Variants in FBRSL1 observed in about 807,000 individuals in gnomAD.
FBRSL1 encodes the protein fibrosin like 1, also known as fibrosin-1-like protein.
Under a neutral mutation model 89.6 loss-of-function variants are expected in FBRSL1, and 51 were observed. That is an observed-to-expected ratio of 0.57 (90% CI 0.45 to 0.72). The LOEUF (loss-of-function observed/expected upper bound fraction) is 0.72. FBRSL1 is among the 30% of genes least tolerant of loss of function. The pLI, the probability that FBRSL1 is intolerant of heterozygous loss-of-function variation, is 0.00. For missense variants in FBRSL1, 1,618 were observed against 1,451.8 expected, an observed-to-expected ratio of 1.11 and a Z score of -1.86; for synonymous variants, 779 against 681.1, an observed-to-expected ratio of 1.14 and a Z score of -2.24.
At chr12:132,494,177 G>A (rs2031606469) in intron 1 of FBRSL1, among the ~76,000 whole-genome samples, 1 of 152,162 alleles carries the variant, frequency 6.6e-6, no homozygotes, top group East Asian at 1.9e-4. Flanking sequence ...TGGGTGCTTG[G>A]GAACGTGGCT....
At chr12:132,545,747 C>T (rs1196068954) in intron 4 of FBRSL1, among the ~76,000 whole-genome samples, 2 of 152,350 alleles carry the variant, frequency 1.3e-5, no homozygotes, top group Non-Finnish European at 2.9e-5. Context: ...CCCCAGGCCA[C>T]GGGTGCACCC....
intron 4 of FBRSL1, among the ~76,000 whole-genome samples, chr12:132,533,611 C>T (rs993632047): frequency 6.6e-6 from 1 of 152,266 alleles, no homozygotes; most frequent in Non-Finnish European, 1.5e-5. Context: ...CCCATCTGCT[C>T]ACCCATTTGT....
At chr12:132,559,396 T>C (rs572261179) in intron 5 of FBRSL1, among the ~76,000 whole-genome samples, 1 of 152,270 alleles carries the variant, frequency 6.6e-6, no homozygotes, top group East Asian at 1.9e-4. Flanking sequence ...AGGTCGCTCT[T>C]TTTTCCTTTT....
At chr12:132,504,221 A>C (rs990835627) in intron 1 of FBRSL1, among the ~76,000 whole-genome samples, 1 of 104,720 alleles carries the variant, frequency 9.5e-6, no homozygotes, top group Non-Finnish European at 2.1e-5. Context: ...CTTGGTGCAA[A>C]CAGGCAGCCC....
chr12:132,583,111 G>A lies in FBRSL1; in HGVS notation c.2342G>A (p.Arg781Gln), dbSNP rs1038219630. 1.4e-4 allele frequency: 200 copies of A among 1,456,468 alleles called. 1 individual carries two copies. The African/African-American group carries it at 2.6e-3, about 19-fold the overall frequency. The allele number at this position is 1,456,468 out of a possible 1,614,324, so 90.2% of individuals were successfully genotyped here. The change falls in exon 19 of 19, where the codon CGG becomes CAG. Residue 781 changes from arginine (R) to glutamine (Q), a missense_variant. Transcript: ENST00000680143. Reference protein sequence around the residue: ...GAPAEREAEPRVKESRSPAKE... With the variant: ...GAPAEREAEPQVKESRSPAKE... ...CCCGCGGAGCGCGAGGCCGAACCTC[G>A]GGTCAAGGAGAGCCGCTCCCCGGCC...
chr12:132,542,715 C>T (rs2037366055), intron 4 of FBRSL1, among the ~76,000 whole-genome samples: 1 of 152,184 alleles, frequency 6.6e-6, no homozygotes, highest in African/African-American at 2.4e-5. Flanking sequence ...CCTATCTCCT[C>T]CCCACCCTGC....
At chr12:132,558,756 G>A (rs1463159593) in intron 5 of FBRSL1, among the ~76,000 whole-genome samples, 1 of 152,214 alleles carries the variant, frequency 6.6e-6, no homozygotes, top group Non-Finnish European at 1.5e-5. Context: ...TGCGGGCTCC[G>A]CCATGGATAG....
At chr12:132,504,562 G>A (rs1471117033) in intron 1 of FBRSL1, among the ~76,000 whole-genome samples, 5 of 152,206 alleles carry the variant, frequency 3.3e-5, no homozygotes, top group South Asian at 4.1e-4. Context: ...CCCTGTGTGC[G>A]CAGGTGTGGT....
At chr12:132,509,548 G>C in intron 2 of FBRSL1, 2 of 1,233,230 alleles carry the variant, frequency 1.6e-6, no homozygotes, top group Non-Finnish European at 2.0e-6. Context: ...TGCTGCAGGC[G>C]CCTGCGGTCC....
intron 1 of FBRSL1, 125 bp downstream of exon 1, chr12:132,490,986 C>T (rs1037777489): frequency 8.7e-5 from 66 of 759,310 alleles, no homozygotes; most frequent in Non-Finnish European, 1.0e-4. Context: ...TGAGGGAAGC[C>T]CCGGCCACTT....
chr12:132,540,369 C>T (rs1336012333), intron 4 of FBRSL1, among the ~76,000 whole-genome samples: 3 of 145,684 alleles, frequency 2.1e-5, no homozygotes. Context: ...TCCCTCCCGC[C>T]AGGTGCCACC....
At chr12:132,541,910 C>T (rs985377646) in intron 4 of FBRSL1, among the ~76,000 whole-genome samples, 1 of 152,264 alleles carries the variant, frequency 6.6e-6, no homozygotes, top group East Asian at 1.9e-4. Context: ...CCCACCACCC[C>T]GAACCATCCG....
Position 132,572,314 on chromosome 12 carries a change from C to G in FBRSL1, c.1404C>G (p.Asp468Glu), listed in dbSNP as rs1465874667. Reference sequence around the variant, plus strand: ...TTGACAAGTATGCGCCCAAGCTGGACAGCCCCTACTTCCGACATTCCAGCG... The same window carrying G: ...TTGACAAGTATGCGCCCAAGCTGGAGAGCCCCTACTTCCGACATTCCAGCG... ...CQFDKYAPKL[D>E]SPYFRHSSVS... The change falls in exon 10 of 19, where the codon GAC (aspartate) becomes GAG (glutamate). Residue 468 changes from aspartate to glutamate, a missense_variant. Asp to Glu is a conservative substitution (Grantham distance 45, BLOSUM62 2). Transcript: ENST00000680143. 6.4e-7 allele frequency: 1 copy of G among 1,551,072 alleles called. No individual in the cohort carries two copies. Among genetic ancestry groups the G allele is most frequent in the East Asian group, 2.4e-5 (1 of 40,912 alleles).
At chr12:132,498,807 G>A (rs1013216453) in intron 1 of FBRSL1, among the ~76,000 whole-genome samples, 1 of 152,196 alleles carries the variant, frequency 6.6e-6, no homozygotes, top group African/African-American at 2.4e-5. Flanking sequence ...TGGTGTCCCC[G>A]TGGGCCAGGA....
At chr12:132,498,113 G>A (rs1029042992) in intron 1 of FBRSL1, among the ~76,000 whole-genome samples, 3 of 152,282 alleles carry the variant, frequency 2.0e-5, no homozygotes, top group Non-Finnish European at 4.4e-5. Context: ...GGTGCCTGCT[G>A]TTTCTTTGGG....
At chr12:132,573,219 G>T (rs2040161587) in intron 11 of FBRSL1, among the ~76,000 whole-genome samples, 1 of 152,180 alleles carries the variant, frequency 6.6e-6, no homozygotes, top group Non-Finnish European at 1.5e-5. Context: ...TGGGCCTCAG[G>T]TTCTGAAGAC....
intron 9 of FBRSL1, 196 bp from the exon 10 acceptor site, chr12:132,572,092 C>T (rs2040060672): frequency 5.1e-6 from 3 of 593,042 alleles, no homozygotes; most frequent in Non-Finnish European, 9.0e-6. Flanking sequence ...AATGGCAGGG[C>T]CGCCCTGGTC....
At chr12:132,558,113 G>A (rs1019064422) in intron 5 of FBRSL1, among the ~76,000 whole-genome samples, 4 of 147,136 alleles carry the variant, frequency 2.7e-5, no homozygotes, top group Admixed American at 1.4e-4. Flanking sequence ...GCCCCTTCAC[G>A]GCCTTTGTCC....
intron 5 of FBRSL1, among the ~76,000 whole-genome samples, chr12:132,555,203 T>C (rs1367501154): frequency 1.3e-5 from 2 of 152,184 alleles, no homozygotes; most frequent in Non-Finnish European, 2.9e-5. Context: ...TCACGAACGT[T>C]AAACCTGTGC....
Sources: allele counts gnomAD v4.1 joint callset (sites outside exome capture counted in the v4.1 genomes callset), GRCh38; gene constraint gnomAD v4.1.1; transcripts MANE v1.5; gene names NCBI Gene and HGNC (gene_info 2026-07-23, HGNC 2026-07-21).